Variants in EXTL3 observed in about 807,000 individuals in gnomAD.
EXTL3 encodes the protein exostosin like glycosyltransferase 3, also known as exostosin-like 3.
A neutral mutation model predicts 69.3 loss-of-function variants in EXTL3; 27 were observed. The ratio of observed to expected loss-of-function variants is 0.39; its 90% CI spans 0.29 to 0.54. The LOEUF (loss-of-function observed/expected upper bound fraction) is 0.54. EXTL3 is among the 20% of genes least tolerant of loss of function. The pLI is 0.69. For synonymous variants in EXTL3, 511 were observed against 499.4 expected, an observed-to-expected ratio of 1.02 and a Z score of -0.31; for missense variants, 1,003 against 1,231.8, an observed-to-expected ratio of 0.81 and a Z score of 2.78.
upstream of EXTL3, among the ~76,000 whole-genome samples, chr8:28,620,113 T>G (rs1436932506): frequency 6.6e-6 from 1 of 151,832 alleles, no homozygotes; most frequent in Non-Finnish European, 1.5e-5. Context: ...GACCTAGTGA[T>G]CTGCCCGCCT....
chr8:28,686,177 A>G (rs1807574317), intron 1 of EXTL3, among the ~76,000 whole-genome samples: 1 of 152,048 alleles, frequency 6.6e-6, no homozygotes, highest in Admixed American at 6.6e-5. Context: ...ATGTTTGCGT[A>G]TATGTAAAAA....
At chr8:28,675,238 G>T (rs1318401310) in intron 1 of EXTL3, among the ~76,000 whole-genome samples, 1 of 152,144 alleles carries the variant, frequency 6.6e-6, no homozygotes, top group Non-Finnish European at 1.5e-5. Flanking sequence ...ATGATCTAAA[G>T]CAGGCATCTG....
chr8:28,676,872 T>A (rs906119472), intron 1 of EXTL3, among the ~76,000 whole-genome samples: 1 of 152,062 alleles, frequency 6.6e-6, no homozygotes, highest in African/African-American at 2.4e-5. Flanking sequence ...CCACAGAGAT[T>A]CGGATTCAGT....
intron 1 of EXTL3, among the ~76,000 whole-genome samples, chr8:28,657,256 T>C (rs540579234): frequency 2.0e-4 from 30 of 152,332 alleles, no homozygotes; most frequent in African/African-American, 6.7e-4. Context: ...TTATGGACTT[T>C]AGCAAGTATA....
chr8:28,742,724 CACTT>C (rs1563224462), intron 5 of EXTL3: 9 of 325,148 alleles, frequency 2.8e-5, no homozygotes, highest in Non-Finnish European at 3.6e-5. Context: ...TTTTTTCTCT[CACTT>C]ATCTTTTTTT....
intron 1 of EXTL3, among the ~76,000 whole-genome samples, chr8:28,668,365 T>A (rs1374918371): frequency 8.5e-6 from 1 of 117,452 alleles, no homozygotes; most frequent in African/African-American, 3.3e-5. Flanking sequence ...AGAGTCTCAC[T>A]CTGTCACCCA....
At chr8:28,709,599 A>G (rs934874860) in intron 1 of EXTL3, among the ~76,000 whole-genome samples, 13 of 152,174 alleles carry the variant, frequency 8.5e-5, no homozygotes, top group Non-Finnish European at 7.3e-5. Flanking sequence ...AAAAAAATTT[A>G]CAGTTTTATT....
In EXTL3 at chr8:28,755,374, C is replaced by G. The variant is rs1802099125; in HGVS notation, c.*4508C>G. 6.6e-6 allele frequency: 1 copy of G among 152,554 alleles called. No homozygotes were observed. The highest frequency in any genetic ancestry group is 2.4e-5 in the African/African-American group (1 of 41,588). The allele number at this position is 152,554 out of a possible 1,614,324, so 9.5% of individuals were successfully genotyped here. ...TCCATAGTTTTCTCATGAATGAATG[C>G]TTTGACAAAGTGAAGAGGGTCACTT... is the stretch of plus-strand genomic sequence containing the variant. On this transcript the variant is annotated 3_prime_UTR_variant, in exon 7 of 7. Coordinates refer to ENST00000220562, the MANE Select transcript of EXTL3 (RefSeq NM_001440.4).
intron 6 of EXTL3, among the ~76,000 whole-genome samples, chr8:28,748,472 G>C (rs1274700062): frequency 6.6e-6 from 1 of 152,040 alleles, no homozygotes; most frequent in African/African-American, 2.4e-5. Flanking sequence ...TTTTTTCAGT[G>C]TATAGTTGAG....
At chr8:28,722,628 A>G (rs966202889) in intron 3 of EXTL3, among the ~76,000 whole-genome samples, 7 of 151,962 alleles carry the variant, frequency 4.6e-5, no homozygotes, top group Non-Finnish European at 8.8e-5. Flanking sequence ...AATAGAAAAA[A>G]TTAGCCAGGC....
intron 6 of EXTL3, among the ~76,000 whole-genome samples, chr8:28,747,489 C>A (rs923653858): frequency 1.3e-5 from 2 of 152,112 alleles, no homozygotes; most frequent in African/African-American, 4.8e-5. Flanking sequence ...TACTCTTCCA[C>A]TATTAAGTTA....
chr8:28,645,828 C>CT lies in EXTL3; in HGVS notation c.-53+23033dup, dbSNP rs34032752. Among the ~76,000 whole-genome samples, 440 of 140,750 alleles carry CT rather than the reference C, an allele frequency of 3.1e-3. 1 individual carries two copies. The highest frequency in any genetic ancestry group is 6.1e-3 in the East Asian group (29 of 4,764). The allele number at this position is 140,750 out of a possible 152,430, so 92.3% of individuals were successfully genotyped here. On this transcript the variant is annotated intron_variant, in intron 1 of 6. Coordinates refer to the EXTL3 transcript ENST00000523149. ...ACAAGCATGAGCCACTGCACCTGGA[C>CT]TTTTTTTTTTTTTTTAAAGTTATTC...
At chr8:28,748,969 G>T (rs1224714746) in intron 6 of EXTL3, among the ~76,000 whole-genome samples, 1 of 152,128 alleles carries the variant, frequency 6.6e-6, no homozygotes, top group Non-Finnish European at 1.5e-5. Flanking sequence ...ACTAGACCCA[G>T]TCGTCGATAC....
chr8:28,630,565 A>C (rs1806556923), intron 1 of EXTL3, among the ~76,000 whole-genome samples: 1 of 152,232 alleles, frequency 6.6e-6, no homozygotes, highest in Admixed American at 6.5e-5. Flanking sequence ...CCTTGGAAAA[A>C]TTAACTAACC....
upstream of EXTL3, among the ~76,000 whole-genome samples, chr8:28,618,044 T>A (rs893794435): frequency 1.3e-5 from 2 of 152,194 alleles, no homozygotes; most frequent in Admixed American, 1.3e-4. Flanking sequence ...TTATGGGTGA[T>A]GACAAGCTTT....
At chr8:28,741,403 A>G (rs1465455532) in intron 5 of EXTL3, 1 of 152,220 alleles carries the variant, frequency 6.6e-6, no homozygotes, top group African/African-American at 2.4e-5. Flanking sequence ...TAAAGGGTCA[A>G]TAAATTTGAA....
intron 4 of EXTL3, among the ~76,000 whole-genome samples, chr8:28,732,530 C>T (rs1173429970): frequency 6.6e-6 from 1 of 152,148 alleles, no homozygotes; most frequent in Non-Finnish European, 1.5e-5. Context: ...AAACCCTGTA[C>T]CTATTAACAG....
Position 28,753,505 on chromosome 8 carries a change from C to T in EXTL3, c.*2639C>T, listed in dbSNP as rs1033662356. On this transcript the variant is annotated 3_prime_UTR_variant, in exon 7 of 7. Coordinates refer to ENST00000220562, the MANE Select transcript of EXTL3 (RefSeq NM_001440.4). Reference sequence around the variant, plus strand: ...AGGCCAGGGCTCACCAGCTGGGGTCCTGTCCGGAAGGATGGGATCTTTCTG... The same window carrying T: ...AGGCCAGGGCTCACCAGCTGGGGTCTTGTCCGGAAGGATGGGATCTTTCTG... The T allele has an allele frequency of 3.9e-5, 6 of 152,862 alleles. No homozygotes were observed. The highest frequency in any genetic ancestry group is 1.9e-4 in the East Asian group (1 of 5,174). The allele number at this position is 152,862 out of a possible 1,614,324, so 9.5% of individuals were successfully genotyped here.
chr8:28,655,489 C>CT (rs60021378), intron 1 of EXTL3, among the ~76,000 whole-genome samples: 11,960 of 130,986 alleles, frequency 0.091, 1,021 homozygotes, highest in African/African-American at 0.22. Flanking sequence ...AAAAATCTTC[C>CT]TTTTTTTTTT....
Sources: allele counts gnomAD v4.1 joint callset (sites outside exome capture counted in the v4.1 genomes callset), GRCh38; gene constraint gnomAD v4.1.1; transcripts MANE v1.5; gene names NCBI Gene and HGNC (gene_info 2026-07-23, HGNC 2026-07-21).